The following MTUS1 variants were observed in gnomAD, a reference collection of about 807,000 sequenced individuals.
The protein encoded by MTUS1 is microtubule-associated tumor suppressor 1.
MTUS1 carries 109 observed loss-of-function variants against 120.8 expected under a neutral mutation model. That is an observed-to-expected ratio of 0.90 (90% confidence interval 0.77 to 1.06). The LOEUF (loss-of-function observed/expected upper bound fraction) is 1.06, where lower values mean the gene tolerates loss of function less well. MTUS1 is among the 50% of genes least tolerant of loss of function. The probability of loss-of-function intolerance (pLI) is 0.00; values close to 1 mark genes in which losing one functional copy is unlikely to be tolerated. For synonymous variants in MTUS1, 737 were observed against 550.5 expected, an observed-to-expected ratio of 1.34 and a Z score of -4.74; for missense variants, 2,210 against 1,486.3, an observed-to-expected ratio of 1.49 and a Z score of -8.01.
At chr8:17,730,936 C>G (rs2046533280) in intron 3 of MTUS1, among the ~76,000 whole-genome samples, 1 of 152,082 alleles carries the variant, frequency 6.6e-6, no homozygotes, top group Non-Finnish European at 1.5e-5. Flanking sequence ...TGCCACAGAG[C>G]TGTACATTTA....
chr8:17,756,751 G>A (rs1374257993), intron 1 of MTUS1, among the ~76,000 whole-genome samples: 1 of 143,760 alleles, frequency 7.0e-6, no homozygotes. Flanking sequence ...TAAGCGTGGA[G>A]TGCTGATCCA....
chr8:17,712,681 A>C (rs562580069), intron 6 of MTUS1, among the ~76,000 whole-genome samples: 6 of 152,130 alleles, frequency 3.9e-5, no homozygotes, highest in Admixed American at 2.0e-4. Flanking sequence ...CATCCATCCA[A>C]AGTATAGGAA....
At chr8:17,721,214 C>A (rs781498117) in intron 4 of MTUS1, among the ~76,000 whole-genome samples, 1 of 152,156 alleles carries the variant, frequency 6.6e-6, no homozygotes, top group Non-Finnish European at 1.5e-5. Flanking sequence ...TAATTCTTAA[C>A]ATGACCACCC....
At chr8:17,757,363 T>C (rs6999517) in intron 1 of MTUS1, among the ~76,000 whole-genome samples, 113,599 of 152,054 alleles carry the variant, frequency 0.75, 43,039 homozygotes, top group South Asian at 0.8. Context: ...AAACCTAAAG[T>C]GGCTGCTAAT....
At position 17,684,403 on chromosome 8, in the gene MTUS1, C is replaced by G. The variant is rs559570686; in HGVS notation, c.2763G>C (p.Gln921His). ...KCENQSGFIL[Q>H]LKQLLACGNT... ...TACCACAGGCAAGAAGCTGCTTGAGCTGCAGGATAAATCCACTTTGGTTTT... is the reference window on the plus strand; with the variant it reads ...TACCACAGGCAAGAAGCTGCTTGAGGTGCAGGATAAATCCACTTTGGTTTT... The change falls in exon 7 of 15, where the codon CAG (glutamine) becomes CAC (histidine). Residue 921 changes from glutamine (Q) to histidine (H), a missense_variant. Gln to His is a conservative substitution (Grantham distance 24). Coordinates refer to ENST00000693296, the MANE Select transcript of MTUS1 (RefSeq NM_001363059.2). 1.1e-5 allele frequency: 18 copies of G among 1,614,204 alleles called. No homozygotes were observed. In the East Asian group the frequency reaches 1.6e-4, roughly 14 times the overall value.
intron 6 of MTUS1, among the ~76,000 whole-genome samples, chr8:17,703,079 T>C (rs1295292100): frequency 1.3e-5 from 2 of 152,134 alleles, no homozygotes; most frequent in African/African-American, 2.4e-5. Flanking sequence ...ATGAAATCAG[T>C]GCACCTTGAA....
At chr8:17,696,290 G>C (rs1817928734) in intron 6 of MTUS1, among the ~76,000 whole-genome samples, 1 of 152,110 alleles carries the variant, frequency 6.6e-6, no homozygotes, top group African/African-American at 2.4e-5. Context: ...CTCCCACAGA[G>C]AAGGGAGATG....
At position 17,763,720 on chromosome 8, in the gene MTUS1, C is replaced by T. The variant is rs771739535; in HGVS notation, c.-154-7759G>A. Reference sequence around the variant, plus strand: ...CCCAGGCAAAGGGAAACACAAGTAACTGTGGCTGGCTGGTTATCTAACTCA... The same window carrying T: ...CCCAGGCAAAGGGAAACACAAGTAATTGTGGCTGGCTGGTTATCTAACTCA... On this transcript the variant is annotated intron_variant, in intron 1 of 14. Transcript: ENST00000693296. Among the ~76,000 whole-genome samples the T allele has an allele frequency of 5.4e-4, 82 of 152,188 alleles. 1 individual carries two copies. The highest frequency in any genetic ancestry group is 3.7e-4 in the Non-Finnish European group (25 of 68,040).
intron 6 of MTUS1, among the ~76,000 whole-genome samples, chr8:17,711,373 G>C (rs1454449880): frequency 6.6e-6 from 1 of 152,160 alleles, no homozygotes; most frequent in Non-Finnish European, 1.5e-5. Context: ...TTCTACATCA[G>C]CACTTGCTGC....
Position 17,716,209 on chromosome 8 carries a change from T to A in MTUS1, c.2450-308A>T, listed in dbSNP as rs188724153. On this transcript the variant is annotated intron_variant, in intron 4 of 14. Transcript: ENST00000693296. ...AAGAAATAATACAGCCACTTCATGC[T>A]ATGTAACAAGAATGCCCCAGGTGCA... 7.9e-5 allele frequency among the ~76,000 whole-genome samples: 12 copies of A among 152,300 alleles called. No homozygotes were observed. The Middle Eastern group carries it at 0.014, about 173-fold the overall frequency.
intron 2 of MTUS1, among the ~76,000 whole-genome samples, chr8:17,751,597 C>G (rs1033468480): frequency 6.6e-6 from 1 of 151,976 alleles, no homozygotes; most frequent in Non-Finnish European, 1.5e-5. Context: ...CAGTGGCTCA[C>G]GCCTGTATTC....
chr8:17,676,607 T>C (rs1353252014), intron 7 of MTUS1: 9 of 439,764 alleles, frequency 2.0e-5, no homozygotes, highest in Non-Finnish European at 3.6e-5. Context: ...AGGCAGGCAT[T>C]AGACTGATCG....
chr8:17,681,336 G>A (rs939784572), intron 7 of MTUS1, among the ~76,000 whole-genome samples: 10 of 152,194 alleles, frequency 6.6e-5, no homozygotes, highest in Non-Finnish European at 1.0e-4. Context: ...TGTAGGTATT[G>A]TGGGCAAGGA....
chr8:17,768,010 T>C (rs1376431323), intron 1 of MTUS1, among the ~76,000 whole-genome samples: 1 of 152,228 alleles, frequency 6.6e-6, no homozygotes, highest in East Asian at 1.9e-4. Context: ...AAAAGGCCAC[T>C]GCTGTGTCCT....
intron 1 of MTUS1, among the ~76,000 whole-genome samples, chr8:17,799,377 C>T (rs955762066): frequency 2.0e-5 from 3 of 152,000 alleles, no homozygotes; most frequent in South Asian, 2.1e-4. Context: ...AAAACCTCCA[C>T]GCAATAGTAT....
rs571418769 is a variant in MTUS1 at position 17,655,779 on chromosome 8, G to A, written c.3108+84C>T. On this transcript the variant is annotated intron_variant, in intron 9 of 14. Coordinates refer to ENST00000693296, the MANE Select transcript of MTUS1 (RefSeq NM_001363059.2). The stretch of plus-strand genomic sequence containing the variant: ...TTTATACCTATTAGACTAAAAAAGA[G>A]AAGCTCATCAAGATGTGAAGAGCAA... 13 of 1,171,072 alleles carry A rather than the reference G, an allele frequency of 1.1e-5. No individual in the cohort carries two copies. In the African/African-American group the frequency reaches 1.8e-4, roughly 16 times the overall value. 72.5% of individuals were successfully genotyped at this position (1,171,072 alleles called of 1,614,324 possible). A position where few individuals can be genotyped will look rare whatever the true frequency, so the allele number is the denominator to read the frequency against.
At chr8:17,741,299 G>A (rs546355126) in intron 3 of MTUS1, among the ~76,000 whole-genome samples, 1 of 152,210 alleles carries the variant, frequency 6.6e-6, no homozygotes, top group Admixed American at 6.5e-5. Flanking sequence ...CACATTGCAG[G>A]TTGGGGCTTC....
At chr8:17,662,107 G>A (rs1362707432) in intron 8 of MTUS1, among the ~76,000 whole-genome samples, 1 of 152,082 alleles carries the variant, frequency 6.6e-6, no homozygotes, top group South Asian at 2.1e-4. Flanking sequence ...ACTTTCCTGT[G>A]CACTGACTAC....
At position 17,684,523 on chromosome 8, in the gene MTUS1, C is replaced by A. The variant is rs373807625; in HGVS notation, c.2643G>T (p.Lys881Asn). 4 of 1,613,704 alleles carry A rather than the reference C, an allele frequency of 2.5e-6. No homozygotes were observed. The African/African-American group carries it at 5.3e-5, about 22-fold the overall frequency. Residue 881 changes from lysine (K) to asparagine (N), a missense_variant, in exon 7 of 15, where the codon AAG becomes AAT. By Grantham distance (94) the Lys-to-Asn change is moderately conservative. Coordinates refer to ENST00000693296, the MANE Select transcript of MTUS1 (RefSeq NM_001363059.2). ...GCTGGATACATAAGCTTCGAGGATT[C>A]TTTTGCCTGCTCTTTTCAACTGCAA... is the stretch of plus-strand genomic sequence containing the variant. ...ALNAVEKSRQ[K>N]NPRSLCIQPQ... is the part of the protein sequence containing the mutation.
Sources: allele counts gnomAD v4.1 joint callset (sites outside exome capture counted in the v4.1 genomes callset), GRCh38; gene constraint gnomAD v4.1.1; transcripts MANE v1.5; gene names NCBI Gene and HGNC (gene_info 2026-07-23, HGNC 2026-07-21).